Variants in NKTR observed in about 807,000 individuals in gnomAD.
NKTR encodes NK-tumor recognition protein.
A neutral mutation model predicts 156.3 loss-of-function variants in NKTR; 67 were observed. That is an observed-to-expected ratio of 0.43 (90% CI 0.35 to 0.53). The LOEUF is 0.53. Among genes scored for constraint, NKTR ranks in the 20% least tolerant of loss-of-function variants. The probability of loss-of-function intolerance (pLI) is 0.01; values close to 1 mark genes in which losing one functional copy is unlikely to be tolerated. For synonymous variants in NKTR, 640 were observed against 596.6 expected, an observed-to-expected ratio of 1.07 and a Z score of -1.06; for missense variants, 1,604 against 1,730.9, an observed-to-expected ratio of 0.93 and a Z score of 1.30.
At position 42,637,137 on chromosome 3, in the gene NKTR, CTT is replaced by C; in HGVS notation, c.1434_1435del (p.Cys479Ter). The C allele has an allele frequency of 6.2e-7, 1 of 1,611,326 alleles. No homozygotes were observed. The highest frequency in any genetic ancestry group is 8.5e-7 in the Non-Finnish European group (1 of 1,179,228). On this transcript the variant is annotated frameshift_variant, in exon 13 of 17. Transcript: ENST00000232978. LOFTEE classifies it high-confidence loss of function. ...TCTTCCACTCGAAGAATGAAATCCT[CTT>C]GTGATAGAGAAAGGAGTTCTCGTTC... is the stretch of plus-strand genomic sequence containing the variant.
intron 2 of NKTR, among the ~76,000 whole-genome samples, chr3:42,612,139 G>A (rs1039912502): frequency 1.3e-5 from 2 of 152,194 alleles, no homozygotes; most frequent in African/African-American, 4.8e-5. Context: ...TCACAGGCAT[G>A]AGAAAAGTTC....
At chr3:42,632,061 CTTTTT>C (rs564114469) in intron 8 of NKTR, among the ~76,000 whole-genome samples, 2 of 86,494 alleles carry the variant, frequency 2.3e-5, no homozygotes, top group Non-Finnish European at 4.2e-5. Flanking sequence ...TTATGCAATT[CTTTTT>C]TTTTTTTTTT....
Position 42,647,312 on chromosome 3 carries a change from TTTA to T in NKTR, c.*1338_*1340del, listed in dbSNP as rs2125831958. 1 of 88,028 alleles carries T rather than the reference TTTA, an allele frequency of 1.1e-5. No individual in the cohort carries two copies. Among genetic ancestry groups the T allele is most frequent in the South Asian group, 4.5e-4 (1 of 2,212 alleles). The allele number at this position is 88,028 out of a possible 1,614,324, so 5.5% of individuals were successfully genotyped here. On this transcript the variant is annotated 3_prime_UTR_variant, in exon 17 of 17. Coordinates refer to ENST00000232978, the MANE Select transcript of NKTR (RefSeq NM_005385.4). ...TGTGTGTGTGTGTGTGGTTTTTTTT[TTTA>T]ATCTTTACTTTGAATTTGTTCCCCA...
intron 6 of NKTR, among the ~76,000 whole-genome samples, chr3:42,623,993 G>A (rs1708145662): frequency 6.6e-6 from 1 of 151,986 alleles, no homozygotes; most frequent in Non-Finnish European, 1.5e-5. Context: ...GTTAGTATGG[G>A]TATTTGCAAG....
At chr3:42,607,108 A>G (rs1451854294) in intron 2 of NKTR, among the ~76,000 whole-genome samples, 2 of 152,214 alleles carry the variant, frequency 1.3e-5, no homozygotes, top group African/African-American at 4.8e-5. Context: ...AACAGTACTT[A>G]CAACAATATA....
chr3:42,615,202 C>T (rs1006253788), intron 2 of NKTR, among the ~76,000 whole-genome samples: 5 of 151,892 alleles, frequency 3.3e-5, no homozygotes, highest in Non-Finnish European at 7.4e-5. Flanking sequence ...CCTCAGCCTC[C>T]CGAGTAGCTA....
chr3:42,617,080 T>G lies in NKTR; in HGVS notation c.59-490T>G, dbSNP rs146147904. Among the ~76,000 whole-genome samples the G allele has an allele frequency of 7.2e-5, 11 of 152,236 alleles. No homozygotes were observed. The East Asian group carries it at 2.1e-3, about 29-fold the overall frequency. On this transcript the variant is annotated intron_variant, in intron 2 of 16. Coordinates refer to ENST00000232978, the MANE Select transcript of NKTR (RefSeq NM_005385.4). ...CTTAAAATGTGAATTTTAAGTGTGA[T>G]TGGTGCAATTCAGGAAGGTGGCTCT... is the stretch of plus-strand genomic sequence containing the variant.
rs896638910 is a variant in NKTR, at chr3:42,637,415, G to A, written c.1711G>A (p.Ala571Thr). The change falls in exon 13 of 17, where the codon GCT (alanine) becomes ACT (threonine). Residue 571 changes from alanine (A) to threonine (T), a missense_variant. By Grantham distance (58) the Ala-to-Thr change is moderately conservative (BLOSUM62 0). Coordinates refer to ENST00000232978, the MANE Select transcript of NKTR (RefSeq NM_005385.4). ...KRASKSPRKT[A>T]SQLSENKPVK... is the part of the protein sequence containing the mutation. The stretch of plus-strand genomic sequence containing the variant: ...AGCATCAAAATCACCAAGAAAAACA[G>A]CTTCTCAGTTAAGTGAAAATAAACC... 1 of 1,613,204 alleles carries A rather than the reference G, an allele frequency of 6.2e-7. No individual in the cohort carries two copies. The highest frequency in any genetic ancestry group is 1.3e-5 in the African/African-American group (1 of 74,830).
In NKTR at chr3:42,637,343, A is replaced by G; in HGVS notation, c.1639A>G (p.Ser547Gly). ...TASKSSSHSR[S>G]RSKSRSSSKS... ...GTCAAAGTCCTCATCACATTCTCGA[A>G]GTAGATCAAAGTCCAGATCTAGTTC... The change falls in exon 13 of 17, where the codon AGT becomes GGT. Residue 547 changes from serine to glycine, a missense_variant. Physicochemically the swap from Ser to Gly is moderately conservative, Grantham distance 56. This residue lies in a region of NKTR where 1,255 missense variants were observed against 1,243.7 expected (regional missense o/e 1.01). Transcript: ENST00000232978. The G allele has an allele frequency of 6.2e-7, 1 of 1,614,218 alleles. No individual in the cohort carries two copies. The highest frequency in any genetic ancestry group is 1.1e-5 in the South Asian group (1 of 91,084).
chr3:42,602,651 A>G (rs1261286687), intron 2 of NKTR: 3 of 147,444 alleles, frequency 2.0e-5, no homozygotes, highest in Admixed American at 6.7e-5. Context: ...TTTTTTAAAT[A>G]AGTGTTACTA....
At chr3:42,610,923 T>C (rs1225354668) in intron 2 of NKTR, among the ~76,000 whole-genome samples, 1 of 152,180 alleles carries the variant, frequency 6.6e-6, no homozygotes, top group Non-Finnish European at 1.5e-5. Context: ...AGTTTCTTTA[T>C]TGGGCCTGTT....
Position 42,608,669 on chromosome 3 carries a change from G to C in NKTR, c.58+7605G>C, listed in dbSNP as rs573704386. ...AATCTCCAGCCCCTCTTCTCTCTCT[G>C]AAGGTTGGAAAGTGAGGCTGAAAGT... On this transcript the variant is annotated intron_variant, in intron 2 of 16. Transcript: ENST00000232978. Among the ~76,000 whole-genome samples the C allele has an allele frequency of 7.9e-5, 12 of 152,330 alleles. No homozygotes were observed. The South Asian group carries it at 2.5e-3, about 32-fold the overall frequency.
chr3:42,606,750 G>A (rs1165429825), intron 2 of NKTR, among the ~76,000 whole-genome samples: 1 of 151,858 alleles, frequency 6.6e-6, no homozygotes, highest in Admixed American at 6.6e-5. Flanking sequence ...GCTCATGCTT[G>A]TAATCCCAGC....
chr3:42,616,637 A>T (rs757388606), intron 2 of NKTR, among the ~76,000 whole-genome samples: 5 of 152,212 alleles, frequency 3.3e-5, no homozygotes, highest in Admixed American at 6.5e-5. Context: ...GAGTTTGAGA[A>T]CCATTTTTCT....
intron 2 of NKTR, among the ~76,000 whole-genome samples, chr3:42,616,434 T>C (rs1258151678): frequency 6.6e-6 from 1 of 152,210 alleles, no homozygotes; most frequent in Non-Finnish European, 1.5e-5. Flanking sequence ...CTTGTGAATA[T>C]ACAGTCAGGT....
chr3:42,636,021 G>T (rs1311807898), intron 12 of NKTR, among the ~76,000 whole-genome samples: 1 of 152,220 alleles, frequency 6.6e-6, no homozygotes, highest in Non-Finnish European at 1.5e-5. Context: ...CGGTGTTCAT[G>T]TTGACTGTTG....
Position 42,631,336 on chromosome 3 carries a change from T to C in NKTR, c.550+20T>C, listed in dbSNP as rs369564869. On this transcript the variant is annotated intron_variant, in intron 8 of 16. Transcript: ENST00000232978. ...AAGATGGTAAGAACTTTTTTGACAGTAGATGAAGCTAAGATGCAGGTAAAG... is the reference window on the plus strand; with the variant it reads ...AAGATGGTAAGAACTTTTTTGACAGCAGATGAAGCTAAGATGCAGGTAAAG... 30 of 1,610,848 alleles carry C rather than the reference T, an allele frequency of 1.9e-5. No homozygotes were observed. The highest frequency in any genetic ancestry group is 6.7e-5 in the East Asian group (3 of 44,780).
intron 6 of NKTR, chr3:42,630,043 T>C: frequency 1.0e-6 from 1 of 985,582 alleles, no homozygotes; most frequent in Non-Finnish European, 1.2e-6. Flanking sequence ...GAGACCTACC[T>C]CTGCCTGCCT....
chr3:42,645,667 A>G (rs1302221083), intron 16 of NKTR, among the ~76,000 whole-genome samples: 1 of 152,148 alleles, frequency 6.6e-6, no homozygotes, highest in Non-Finnish European at 1.5e-5. Flanking sequence ...CTGGGCAAAA[A>G]GAGTGAAACT....
Sources: allele counts gnomAD v4.1 joint callset (sites outside exome capture counted in the v4.1 genomes callset), GRCh38; gene constraint gnomAD v4.1.1; regional missense constraint gnomAD v4.1.1; transcripts MANE v1.5; gene names NCBI Gene and HGNC (gene_info 2026-07-23, HGNC 2026-07-21).